The following GLIS1 variants were observed in gnomAD, a reference collection of about 807,000 sequenced individuals.
GLIS1 encodes the protein GLIS family zinc finger 1.
A neutral mutation model predicts 63.8 loss-of-function variants in GLIS1; 24 were observed. That is an observed-to-expected ratio of 0.38 (90% CI 0.27 to 0.53). GLIS1 has a LOEUF of 0.53. Ranked by LOEUF, GLIS1 falls within the 20% of genes least tolerant of loss-of-function variation. The pLI is 0.85. For synonymous variants in GLIS1, 450 were observed against 482.5 expected (o/e 0.93, Z 0.88); for missense variants, 1,036 against 1,074.1 (o/e 0.96, Z 0.50).
At chr1:53,652,893 A>G (rs1343174288) in intron 2 of GLIS1, among the ~76,000 whole-genome samples, 1 of 152,200 alleles carries the variant, frequency 6.6e-6, no homozygotes, top group East Asian at 1.9e-4. Context: ...GCCATTGAAC[A>G]TCTCACTGAG....
At chr1:53,621,764 G>A (rs890519399) in intron 2 of GLIS1, among the ~76,000 whole-genome samples, 3 of 152,092 alleles carry the variant, frequency 2.0e-5, no homozygotes, top group Admixed American at 6.5e-5. Context: ...CGTATTTGCT[G>A]TTCAGTTTAT....
At chr1:53,563,007 T>C (rs1644906481) in intron 4 of GLIS1, among the ~76,000 whole-genome samples, 2 of 152,194 alleles carry the variant, frequency 1.3e-5, no homozygotes, top group African/African-American at 4.8e-5. Flanking sequence ...ATAATCAGAT[T>C]ATGCATAAAA....
At chr1:53,711,142 G>A (rs1646642424) in intron 2 of GLIS1, among the ~76,000 whole-genome samples, 1 of 152,120 alleles carries the variant, frequency 6.6e-6, no homozygotes, top group Non-Finnish European at 1.5e-5. Flanking sequence ...CCCCAAGTCA[G>A]ACACAGAACC....
At chr1:53,592,666 C>G (rs1645203895) in intron 4 of GLIS1, among the ~76,000 whole-genome samples, 1 of 152,248 alleles carries the variant, frequency 6.6e-6, no homozygotes, top group Non-Finnish European at 1.5e-5. Context: ...CCAGCATCCT[C>G]TCAGCCCAAA....
chr1:53,654,620 G>C (rs564771169), intron 2 of GLIS1, among the ~76,000 whole-genome samples: 1 of 152,186 alleles, frequency 6.6e-6, no homozygotes, highest in East Asian at 1.9e-4. Flanking sequence ...GGGAAGAAGC[G>C]GAGGGGGAAA....
chr1:53,506,657 A>G lies in GLIS1; in HGVS notation c.2350T>C (p.Cys784Arg), dbSNP rs934577937. ...GFFPNGAFDH[C>R]LGHIPSIYTD... ...TAGATGGAGGGGATGTGGCCCAGGC[A>G]GTGGTCAAAGGCTCCATTGGGGAAG... Residue 784 changes from cysteine (C) to arginine (R), a missense_variant, in exon 11 of 11, where the codon TGC becomes CGC. Cys to Arg is a radical substitution (Grantham distance 180). Coordinates refer to ENST00000628545, the MANE Select transcript of GLIS1 (RefSeq NM_001367484.1). 1.9e-6 allele frequency: 3 copies of G among 1,570,328 alleles called. No homozygotes were observed. Among genetic ancestry groups the G allele is most frequent in the East Asian group, 2.3e-5 (1 of 42,940 alleles).
intron 2 of GLIS1, among the ~76,000 whole-genome samples, chr1:53,630,823 T>C (rs1374043661): frequency 1.3e-5 from 2 of 152,222 alleles, no homozygotes; most frequent in African/African-American, 4.8e-5. Flanking sequence ...ATTGCACACA[T>C]CAACAAAGAG....
rs888611587 is a variant in GLIS1, at chr1:53,509,175, G to A, written c.2175C>T (p.Phe725=). The change falls in exon 10 of 11, where the codon TTC becomes TTT. Residue 725 remains phenylalanine, a synonymous_variant. Coordinates refer to ENST00000628545, the MANE Select transcript of GLIS1 (RefSeq NM_001367484.1). ...GGTAGCCATTGGGCCGCAGGGGGTT[G>A]AAACCGTGGGTCTCCCCGACCAGTC... The part of the protein sequence containing the change: ...GDGLVGETHG[F]NPLRPNGYHS... The A allele has an allele frequency of 3.1e-5, 49 of 1,601,494 alleles. No individual in the cohort carries two copies. Among genetic ancestry groups the A allele is most frequent in the Non-Finnish European group, 4.2e-5 (49 of 1,174,832 alleles).
At position 53,594,744 on chromosome 1, in the gene GLIS1, G is replaced by C. The variant is rs760394115; in HGVS notation, c.684C>G (p.Pro228=). The C allele has an allele frequency of 1.9e-6, 3 of 1,579,836 alleles. No individual in the cohort carries two copies. Among genetic ancestry groups the C allele is most frequent in the East Asian group, 4.5e-5 (2 of 44,514 alleles). Residue 228 remains proline (P), a synonymous_variant, in exon 4 of 11, where the codon CCC becomes CCG. Coordinates refer to ENST00000628545, the MANE Select transcript of GLIS1 (RefSeq NM_001367484.1). The stretch of plus-strand genomic sequence containing the variant: ...GGCTGCCCTCGGGGAGGTGGGTCTC[G>C]GGCTGGAGGCCCAGGCCAGAGCTGG... ...SEPSSGLGLQ[P]ETHLPEGSLK...
chr1:53,712,751 C>T (rs1283541088), intron 2 of GLIS1, among the ~76,000 whole-genome samples: 2 of 152,138 alleles, frequency 1.3e-5, no homozygotes, highest in Non-Finnish European at 2.9e-5. Flanking sequence ...CAGGACCTGA[C>T]CATGTGAGGC....
At chr1:53,719,745 C>T (rs1336604079) in intron 2 of GLIS1, among the ~76,000 whole-genome samples, 1 of 152,090 alleles carries the variant, frequency 6.6e-6, no homozygotes, top group Non-Finnish European at 1.5e-5. Flanking sequence ...TACTCAGACA[C>T]TGTTGGTGGG....
intron 2 of GLIS1, among the ~76,000 whole-genome samples, chr1:53,684,152 C>G (rs1646305274): frequency 6.6e-6 from 1 of 152,144 alleles, no homozygotes; most frequent in African/African-American, 2.4e-5. Flanking sequence ...CCATGTCTCC[C>G]TCAGATGGGC....
intron 7 of GLIS1, among the ~76,000 whole-genome samples, chr1:53,519,635 C>T (rs1219272753): frequency 2.0e-5 from 3 of 152,164 alleles, no homozygotes; most frequent in Non-Finnish European, 4.4e-5. Context: ...CCTGCTGCGG[C>T]CTGAGACCTG....
At chr1:53,653,646 T>C (rs1645932868) in intron 2 of GLIS1, among the ~76,000 whole-genome samples, 3 of 152,202 alleles carry the variant, frequency 2.0e-5, no homozygotes, top group South Asian at 2.1e-4. Flanking sequence ...CTGATCGCCA[T>C]GTGAATTCCT....
At chr1:53,686,046 C>A (rs1646333228) in intron 2 of GLIS1, among the ~76,000 whole-genome samples, 1 of 152,204 alleles carries the variant, frequency 6.6e-6, no homozygotes, top group Non-Finnish European at 1.5e-5. Flanking sequence ...AGGCTGCTCA[C>A]TGGCCCCTCT....
intron 2 of GLIS1, among the ~76,000 whole-genome samples, chr1:53,606,577 T>C (rs1001936622): frequency 6.6e-6 from 1 of 152,150 alleles, no homozygotes; most frequent in Non-Finnish European, 1.5e-5. Flanking sequence ...GGCTGCCTCG[T>C]CACTCCCTCT....
At chr1:53,722,916 T>C (rs1326217271) in intron 2 of GLIS1, among the ~76,000 whole-genome samples, 2 of 151,502 alleles carry the variant, frequency 1.3e-5, no homozygotes, top group African/African-American at 2.4e-5. Context: ...GTGGATCACC[T>C]GAGGTCAGGA....
chr1:53,595,640 A>T (rs982657705), intron 3 of GLIS1, among the ~76,000 whole-genome samples: 23 of 152,344 alleles, frequency 1.5e-4, no homozygotes, highest in African/African-American at 5.5e-4. Flanking sequence ...TTCTCCAGGA[A>T]GAAGGCTGAG....
At chr1:53,702,985 T>C (rs961719556) in intron 2 of GLIS1, among the ~76,000 whole-genome samples, 10 of 152,178 alleles carry the variant, frequency 6.6e-5, no homozygotes, top group African/African-American at 2.4e-4. Flanking sequence ...GCTCAACAGA[T>C]CTTCTCTGGC....
Sources: gnomAD v4.1 joint callset for allele counts (sites outside exome capture counted in the v4.1 genomes callset) on GRCh38, gnomAD v4.1.1 for gene constraint, MANE v1.5 for transcripts, NCBI Gene and HGNC (gene_info 2026-07-23, HGNC 2026-07-21) for gene names.